The following EVI5 variants were observed in gnomAD, a reference collection of about 807,000 sequenced individuals.
EVI5 encodes the protein ecotropic viral integration site 5, also known as ecotropic viral integration site 5 protein homolog.
A neutral mutation model predicts 112.0 loss-of-function variants in EVI5; 73 were observed. The observed-to-expected ratio is 0.65, with a 90% CI of 0.54 to 0.79. The LOEUF is 0.79. Among genes scored for constraint, EVI5 ranks in the 30% least tolerant of loss-of-function variants. EVI5 has a pLI of 0.00. For synonymous variants in EVI5, 305 were observed against 319.9 expected, an observed-to-expected ratio of 0.95 and a Z score of 0.50; for missense variants, 900 against 968.8, an observed-to-expected ratio of 0.93 and a Z score of 0.94.
At chr1:92,575,243 A>G (rs1335958156) in intron 18 of EVI5, among the ~76,000 whole-genome samples, 1 of 152,160 alleles carries the variant, frequency 6.6e-6, no homozygotes, top group African/African-American at 2.4e-5. Context: ...TTTGCTCTCT[A>G]TGTGTACATA....
intron 18 of EVI5, among the ~76,000 whole-genome samples, chr1:92,584,089 G>A (rs144797899): frequency 3.3e-5 from 5 of 152,218 alleles, no homozygotes; most frequent in South Asian, 2.1e-4. Flanking sequence ...AAACACAAGC[G>A]TAAAGCTTTC....
chr1:92,585,698 A>G (rs77118964), intron 18 of EVI5, among the ~76,000 whole-genome samples: 3,957 of 152,260 alleles, frequency 0.026, 131 homozygotes, highest in African/African-American at 0.074. Context: ...AGAAAAATTG[A>G]GAAGATAGAG....
chr1:92,513,804 T>C lies in EVI5; in HGVS notation c.2333A>G (p.Lys778Arg). The C allele has an allele frequency of 6.2e-7, 1 of 1,613,830 alleles. No homozygotes were observed. Among genetic ancestry groups the C allele is most frequent in the Non-Finnish European group, 8.5e-7 (1 of 1,179,944 alleles). Residue 778 changes from lysine to arginine, a missense_variant, in exon 20 of 20, where the codon AAA (lysine) becomes AGA (arginine). Coordinates refer to ENST00000684568, the MANE Select transcript of EVI5 (RefSeq NM_001350197.2). ...GGGGTCCAAAGACATCGAACCAGAT[T>C]TTCCGTGCAAAGGAAAACCAACACC... is the stretch of plus-strand genomic sequence containing the variant. ...ETGVGFPLHGKSGSMSLDPAV... is the reference protein window; with the variant it reads ...ETGVGFPLHGRSGSMSLDPAV...
intron 19 of EVI5, among the ~76,000 whole-genome samples, chr1:92,548,631 A>G (rs1303203782): frequency 6.6e-6 from 1 of 152,234 alleles, no homozygotes; most frequent in Non-Finnish European, 1.5e-5. Flanking sequence ...TTAAGCTGAT[A>G]AGCAACTTCA....
intron 1 of EVI5, among the ~76,000 whole-genome samples, chr1:92,770,604 C>A (rs1037723954): frequency 1.3e-5 from 2 of 152,120 alleles, no homozygotes; most frequent in East Asian, 2.0e-4. Context: ...TCCTGGCTAA[C>A]ACAGTGAAAC....
chr1:92,593,588 G>A (rs948702206), intron 18 of EVI5, among the ~76,000 whole-genome samples: 4 of 152,096 alleles, frequency 2.6e-5, no homozygotes, highest in African/African-American at 9.7e-5. Flanking sequence ...GGCAGGAGAA[G>A]GAAATAAAGG....
intron 1 of EVI5, among the ~76,000 whole-genome samples, chr1:92,766,316 A>G (rs1558227547): frequency 6.6e-6 from 1 of 151,908 alleles, no homozygotes; most frequent in East Asian, 1.9e-4. Context: ...GTTTTTTTAA[A>G]AAAAGGATAT....
intron 19 of EVI5, among the ~76,000 whole-genome samples, chr1:92,550,260 C>T (rs375161543): frequency 6.8e-6 from 1 of 147,388 alleles, no homozygotes; most frequent in African/African-American, 2.5e-5. Flanking sequence ...AAAAGCCAAA[C>T]ACCGTATGTT....
intron 18 of EVI5, among the ~76,000 whole-genome samples, chr1:92,570,212 TG>T (rs1670125000): frequency 6.6e-6 from 1 of 152,246 alleles, no homozygotes; most frequent in Admixed American, 6.5e-5. Context: ...TGAGTAAGCA[TG>T]TCAGTAAACT....
intron 19 of EVI5, among the ~76,000 whole-genome samples, chr1:92,561,437 A>T (rs560523795): frequency 6.6e-6 from 1 of 152,132 alleles, no homozygotes; most frequent in African/African-American, 2.4e-5. Context: ...TACTCTGTTG[A>T]TTAATTTTCT....
At chr1:92,684,094 T>C (rs962760002) in intron 9 of EVI5, among the ~76,000 whole-genome samples, 9 of 151,464 alleles carry the variant, frequency 5.9e-5, no homozygotes, top group Non-Finnish European at 1.2e-4. Context: ...CCAAGACACA[T>C]AAATGTCAGA....
At chr1:92,634,578 G>A (rs970775367) in intron 14 of EVI5, among the ~76,000 whole-genome samples, 1 of 152,050 alleles carries the variant, frequency 6.6e-6, no homozygotes, top group Non-Finnish European at 1.5e-5. Context: ...TTAACCATTT[G>A]TCCAATCTTT....
chr1:92,561,461 T>C (rs549360414), intron 19 of EVI5, among the ~76,000 whole-genome samples: 1 of 152,308 alleles, frequency 6.6e-6, no homozygotes, highest in South Asian at 2.1e-4. Context: ...CATGTTTGTA[T>C]AAGGTAAGAC....
chr1:92,530,259 C>A (rs551135532), intron 19 of EVI5, among the ~76,000 whole-genome samples: 6 of 152,258 alleles, frequency 3.9e-5, no homozygotes, highest in South Asian at 4.1e-4. Flanking sequence ...CTGGGCAGGG[C>A]ATCTCTGAAA....
At chr1:92,546,863 C>A (rs1665801527) in intron 19 of EVI5, among the ~76,000 whole-genome samples, 1 of 152,078 alleles carries the variant, frequency 6.6e-6, no homozygotes, top group African/African-American at 2.4e-5. Context: ...CCTTAGAGAC[C>A]TACAAAGAGA....
chr1:92,749,699 T>G (rs1458475536), intron 1 of EVI5, among the ~76,000 whole-genome samples: 1 of 152,150 alleles, frequency 6.6e-6, no homozygotes, highest in Non-Finnish European at 1.5e-5. Flanking sequence ...TCATGCTAAC[T>G]TCAGACAAGG....
chr1:92,615,122 A>G (rs1652822831), intron 16 of EVI5, among the ~76,000 whole-genome samples: 1 of 152,020 alleles, frequency 6.6e-6, no homozygotes, highest in African/African-American at 2.4e-5. Flanking sequence ...CTGTTTGTAG[A>G]GAGTTACGCA....
intron 19 of EVI5, among the ~76,000 whole-genome samples, chr1:92,545,620 C>T (rs569473585): frequency 6.6e-6 from 1 of 152,034 alleles, no homozygotes; most frequent in African/African-American, 2.4e-5. Flanking sequence ...CAATCCCAAA[C>T]GATTTTTAAA....
intron 13 of EVI5, among the ~76,000 whole-genome samples, chr1:92,641,538 T>C (rs1659966388): frequency 6.6e-6 from 1 of 152,110 alleles, no homozygotes; most frequent in Non-Finnish European, 1.5e-5. Flanking sequence ...CAAAACAAAA[T>C]AATGATACAA....
Sources: allele counts gnomAD v4.1 joint callset (sites outside exome capture counted in the v4.1 genomes callset), GRCh38; gene constraint gnomAD v4.1.1; transcripts MANE v1.5; gene names NCBI Gene and HGNC (gene_info 2026-07-23, HGNC 2026-07-21).